OLFM1: variants seen among roughly 807,000 people sequenced by gnomAD.
OLFM1 encodes olfactomedin 1.
Under a neutral mutation model 49.7 loss-of-function variants are expected in OLFM1, and 9 were observed. The observed-to-expected ratio is 0.18, with a 90% CI of 0.11 to 0.32. The LOEUF is 0.32. OLFM1 is among the 10% of genes least tolerant of loss of function. OLFM1 has a pLI of 1.00. For missense variants in OLFM1, 369 were observed against 661.8 expected, an observed-to-expected ratio of 0.56 and a Z score of 4.85; for synonymous variants, 240 against 271.8, an observed-to-expected ratio of 0.88 and a Z score of 1.15.
intron 5 of OLFM1, among the ~76,000 whole-genome samples, chr9:135,116,823 T>G (rs752710461): frequency 4.5e-4 from 69 of 151,840 alleles, no homozygotes; most frequent in Non-Finnish European, 7.5e-4. Flanking sequence ...ACCCACATCA[T>G]TGAGGTTTGG....
Position 135,087,730 on chromosome 9 carries a change from A to T in OLFM1, c.-260A>T. The T allele has an allele frequency of 2.6e-6, 1 of 384,958 alleles. No individual in the cohort carries two copies. Among genetic ancestry groups the T allele is most frequent in the Non-Finnish European group, 3.5e-6 (1 of 282,094 alleles). The allele number at this position is 384,958 out of a possible 1,614,324, so 23.8% of individuals were successfully genotyped here. ...CCGGAGGGACGCAGCCGGGCAAGGCAGGGCGCAGGGCGGGCGGCGCGAGGC... is the reference window on the plus strand; with the variant it reads ...CCGGAGGGACGCAGCCGGGCAAGGCTGGGCGCAGGGCGGGCGGCGCGAGGC... On this transcript the variant is annotated 5_prime_UTR_variant, in exon 1 of 6. Coordinates refer to ENST00000371793, the MANE Select transcript of OLFM1 (RefSeq NM_001282611.2).
chr9:135,106,509 G>A (rs781611685), intron 4 of OLFM1: 17 of 516,026 alleles, frequency 3.3e-5, no homozygotes, highest in Non-Finnish European at 5.5e-5. Context: ...GTCTGCCCAC[G>A]GCTCTTCCCT....
intron 1 of OLFM1, among the ~76,000 whole-genome samples, chr9:135,079,414 G>A (rs1395195379): frequency 6.6e-6 from 1 of 152,060 alleles, no homozygotes; most frequent in Admixed American, 6.6e-5. Flanking sequence ...AACCAGCCCG[G>A]CCAACATGAA....
intron 1 of OLFM1, among the ~76,000 whole-genome samples, chr9:135,079,128 C>T (rs73560264): frequency 0.011 from 1,684 of 152,268 alleles, 34 homozygotes; most frequent in African/African-American, 0.038. Flanking sequence ...CACCTGGGGC[C>T]GGCTTGCTTT....
intron 2 of OLFM1, among the ~76,000 whole-genome samples, chr9:135,094,617 A>T (rs1830761899): frequency 6.6e-6 from 1 of 151,964 alleles, no homozygotes; most frequent in African/African-American, 2.4e-5. Context: ...TTTCAAGATG[A>T]GTTTGTGTGT....
chr9:135,109,941 T>C (rs1323994285), intron 5 of OLFM1, among the ~76,000 whole-genome samples: 1 of 152,148 alleles, frequency 6.6e-6, no homozygotes, highest in Non-Finnish European at 1.5e-5. Context: ...AAGGTTAGCT[T>C]GGGACGCCTT....
intron 5 of OLFM1, among the ~76,000 whole-genome samples, chr9:135,118,642 A>AGT: frequency 6.8e-6 from 1 of 146,376 alleles, no homozygotes; most frequent in African/African-American, 2.6e-5. Context: ...GGGTCTTTGG[A>AGT]ATGCTCACTG....
At chr9:135,091,761 T>A (rs373115822) in intron 2 of OLFM1, among the ~76,000 whole-genome samples, 830 of 32,748 alleles carry the variant, frequency 0.025, 5 homozygotes, top group Middle Eastern at 0.13. Context: ...TCACACACAC[T>A]CACACAGTCA....
chr9:135,095,030 T>C (rs1302188278), intron 2 of OLFM1: 2 of 152,188 alleles, frequency 1.3e-5, no homozygotes, highest in Non-Finnish European at 2.9e-5. Context: ...CACACACCAG[T>C]TTCCTGCAAA....
chr9:135,108,001 C>T (rs7853782), intron 5 of OLFM1, among the ~76,000 whole-genome samples: 34,099 of 152,056 alleles, frequency 0.22, 4,037 homozygotes, highest in South Asian at 0.26. Context: ...GGGGGACTGG[C>T]AGACTTGCTA....
intron 5 of OLFM1, among the ~76,000 whole-genome samples, chr9:135,111,994 C>T (rs1256875316): frequency 6.6e-6 from 1 of 152,204 alleles, no homozygotes; most frequent in Admixed American, 6.5e-5. Flanking sequence ...GGATTACAGG[C>T]GTGAGCCACC....
At position 135,120,167 on chromosome 9, in the gene OLFM1, G is replaced by A. The variant is rs145931591; in HGVS notation, c.1447G>A (p.Asp483Asn). The change falls in exon 6 of 6, where the codon GAC becomes AAC. Residue 483 changes from aspartate to asparagine, a missense_variant. This residue lies in a region of OLFM1 where 294 missense variants were observed against 567.5 expected (regional missense o/e 0.52). Coordinates refer to ENST00000371793, the MANE Select transcript of OLFM1 (RefSeq NM_001282611.2). ...GACCCTCTTCCACGTCATCCGCTCC[G>A]ACGAGTTGTAGCTCCCTCCTCCTGG... The part of the protein sequence containing the change: ...NVTLFHVIRS[D>N]EL 3.2e-5 allele frequency: 52 copies of A among 1,608,902 alleles called. No individual in the cohort carries two copies. Among genetic ancestry groups the A allele is most frequent in the Admixed American group, 1.7e-4 (10 of 59,768 alleles).
At chr9:135,104,235 G>A (rs1322531065) in intron 4 of OLFM1, among the ~76,000 whole-genome samples, 2 of 152,202 alleles carry the variant, frequency 1.3e-5, no homozygotes, top group African/African-American at 4.8e-5. Context: ...GAAGGTGGGT[G>A]GGAAGGTGGG....
chr9:135,078,180 C>A (rs1280156664), intron 1 of OLFM1, among the ~76,000 whole-genome samples: 2 of 152,192 alleles, frequency 1.3e-5, no homozygotes, highest in African/African-American at 4.8e-5. Context: ...AGTGAAGAAG[C>A]ATGTCTGGGC....
At chr9:135,091,799 TCACA>T (rs201384716) in intron 2 of OLFM1, among the ~76,000 whole-genome samples, 1 of 73,912 alleles carries the variant, frequency 1.4e-5, no homozygotes, top group Non-Finnish European at 2.8e-5. Flanking sequence ...AGTCACACAG[TCACA>T]CACACTCACA....
chr9:135,106,400 C>T, intron 4 of OLFM1: 1 of 254,188 alleles, frequency 3.9e-6, no homozygotes, highest in South Asian at 7.3e-5. Flanking sequence ...TGAGTCTTGG[C>T]AAAGCTGACC....
chr9:135,093,322 A>G (rs978473955), intron 2 of OLFM1, among the ~76,000 whole-genome samples: 4 of 152,160 alleles, frequency 2.6e-5, no homozygotes, highest in African/African-American at 7.2e-5. Context: ...TGGGTTTGAG[A>G]GTGTAGGCTT....
intron 3 of OLFM1, among the ~76,000 whole-genome samples, chr9:135,097,241 T>A (rs1481897561): frequency 6.6e-6 from 1 of 152,194 alleles, no homozygotes; most frequent in Non-Finnish European, 1.5e-5. Context: ...AAATCTATAT[T>A]ATAAATAAAA....
rs1831175473 is a variant in OLFM1 at position 135,120,736 on chromosome 9, G to A, written c.*558G>A. The A allele has an allele frequency of 6.4e-6, 1 of 155,412 alleles. No individual in the cohort carries two copies. Among genetic ancestry groups the A allele is most frequent in the African/African-American group, 2.4e-5 (1 of 41,472 alleles). 9.6% of individuals were successfully genotyped at this position (155,412 alleles called of 1,614,324 possible). On this transcript the variant is annotated 3_prime_UTR_variant, in exon 6 of 6. Transcript: ENST00000371793. ...TACATACTGAAGCGATGGTCAGAGTGTGTAGAGTGAAGTTGCTGTGCCCAC... is the reference window on the plus strand; with the variant it reads ...TACATACTGAAGCGATGGTCAGAGTATGTAGAGTGAAGTTGCTGTGCCCAC...
Sources: allele counts gnomAD v4.1 joint callset (sites outside exome capture counted in the v4.1 genomes callset), GRCh38; gene constraint gnomAD v4.1.1; regional missense constraint gnomAD v4.1.1; transcripts MANE v1.5; gene names NCBI Gene and HGNC (gene_info 2026-07-23, HGNC 2026-07-21).